GALNTL6: variants seen among roughly 807,000 people sequenced by gnomAD.
GALNTL6 encodes polypeptide N-acetylgalactosaminyltransferase-like 6.
GALNTL6 carries 46 observed loss-of-function variants against 73.7 expected under a neutral mutation model. That is an observed-to-expected ratio of 0.62 (90% CI 0.49 to 0.80). The LOEUF (loss-of-function observed/expected upper bound fraction) is 0.80. Ranked by LOEUF, GALNTL6 falls within the 30% of genes least tolerant of loss-of-function variation. The pLI is 0.00. For synonymous variants in GALNTL6, 259 were observed against 263.7 expected, an observed-to-expected ratio of 0.98 and a Z score of 0.17; for missense variants, 604 against 755.0, an observed-to-expected ratio of 0.80 and a Z score of 2.34.
chr4:172,333,901 A>G (rs1741219452), intron 4 of GALNTL6, among the ~76,000 whole-genome samples: 1 of 152,172 alleles, frequency 6.6e-6, no homozygotes, highest in Admixed American at 6.5e-5. Flanking sequence ...ATTCTTCTGC[A>G]TGTGGCTACC....
chr4:172,840,975 C>A (rs1181048181), intron 7 of GALNTL6, among the ~76,000 whole-genome samples: 1 of 152,168 alleles, frequency 6.6e-6, no homozygotes, highest in South Asian at 2.1e-4. Context: ...GGCCAGCAGT[C>A]CTTCAGGTGT....
chr4:172,105,503 T>C (rs1300992047), intron 2 of GALNTL6, among the ~76,000 whole-genome samples: 1 of 151,524 alleles, frequency 6.6e-6, no homozygotes, highest in Non-Finnish European at 1.5e-5. Context: ...AAACACTCTG[T>C]CCCAAAAAGG....
chr4:172,068,676 C>G (rs941600272), intron 2 of GALNTL6, among the ~76,000 whole-genome samples: 1 of 110,638 alleles, frequency 9.0e-6, no homozygotes, highest in Non-Finnish European at 2.0e-5. Context: ...CAATGTGAAT[C>G]TGCTTACTAA....
At chr4:172,162,091 C>T (rs1021296692) in intron 2 of GALNTL6, among the ~76,000 whole-genome samples, 1 of 151,852 alleles carries the variant, frequency 6.6e-6, no homozygotes, top group African/African-American at 2.4e-5. Flanking sequence ...AAAATACGAA[C>T]ATATTTGTAA....
At chr4:171,950,159 A>G (rs1022918420) in intron 2 of GALNTL6, among the ~76,000 whole-genome samples, 4 of 152,206 alleles carry the variant, frequency 2.6e-5, no homozygotes, top group Non-Finnish European at 5.9e-5. Context: ...TGTCTTTGTC[A>G]TAACTTAATA....
intron 2 of GALNTL6, among the ~76,000 whole-genome samples, chr4:171,849,755 G>C (rs748082014): frequency 1.2e-4 from 19 of 152,196 alleles, no homozygotes; most frequent in Non-Finnish European, 2.4e-4. Flanking sequence ...AGGTGGCCAT[G>C]CCGCAGGCTG....
At chr4:172,878,963 C>T (rs1745323103) in intron 7 of GALNTL6, among the ~76,000 whole-genome samples, 1 of 151,570 alleles carries the variant, frequency 6.6e-6, no homozygotes, top group African/African-American at 2.4e-5. Context: ...GCTGGAGTGA[C>T]TATAGTAATA....
chr4:172,474,096 C>T (rs1733146873), intron 5 of GALNTL6, among the ~76,000 whole-genome samples: 1 of 152,164 alleles, frequency 6.6e-6, no homozygotes, highest in Non-Finnish European at 1.5e-5. Context: ...CTCGTTGTTC[C>T]TTGGATGAGT....
At chr4:172,037,920 C>T (rs1290943166) in intron 2 of GALNTL6, among the ~76,000 whole-genome samples, 1 of 151,904 alleles carries the variant, frequency 6.6e-6, no homozygotes, top group Non-Finnish European at 1.5e-5. Flanking sequence ...GAGTTTGAGA[C>T]CAGCCTGGCC....
intron 3 of GALNTL6, among the ~76,000 whole-genome samples, chr4:172,231,304 A>G (rs1737064405): frequency 6.6e-6 from 1 of 152,204 alleles, no homozygotes; most frequent in Non-Finnish European, 1.5e-5. Context: ...ACAAGTTAAT[A>G]ATAAAATAGC....
Position 172,420,238 on chromosome 4 carries a change from C to T in GALNTL6, c.553+71549C>T, listed in dbSNP as rs965345422. On this transcript the variant is annotated intron_variant, in intron 5 of 12. Transcript: ENST00000506823. ...GAAAGTGACATGAATATCGTGATAA[C>T]GAGGGTCATTTCAGCTTACATTGTT... 3.6e-4 allele frequency among the ~76,000 whole-genome samples: 55 copies of T among 152,074 alleles called. 1 individual carries two copies. The highest frequency in any genetic ancestry group is 3.0e-3 in the Admixed American group (46 of 15,244).
chr4:172,330,188 G>C (rs1252689584), intron 4 of GALNTL6, among the ~76,000 whole-genome samples: 2 of 152,214 alleles, frequency 1.3e-5, no homozygotes, highest in Admixed American at 6.5e-5. Flanking sequence ...AACCGCTTTT[G>C]CTGAGAAGCC....
chr4:172,316,300 G>C (rs1184982408), intron 4 of GALNTL6, among the ~76,000 whole-genome samples: 1 of 152,132 alleles, frequency 6.6e-6, no homozygotes, highest in Non-Finnish European at 1.5e-5. Flanking sequence ...CGTTATAAAA[G>C]TATATGTGTT....
chr4:171,940,349 A>T (rs1738492502), intron 2 of GALNTL6, among the ~76,000 whole-genome samples: 2 of 150,836 alleles, frequency 1.3e-5, no homozygotes, highest in South Asian at 4.1e-4. Flanking sequence ...GGGGATGCAA[A>T]TAAGAATGTC....
chr4:172,377,964 G>A lies in GALNTL6; in HGVS notation c.553+29275G>A, dbSNP rs149249887. Among the ~76,000 whole-genome samples the A allele has an allele frequency of 7.2e-3, 1,089 of 151,476 alleles. 8 individuals carry two copies. The highest frequency in any genetic ancestry group is 8.0e-3 in the Non-Finnish European group (544 of 67,910). The stretch of plus-strand genomic sequence containing the variant: ...AGCAGAGGGAGCTGGCTCTGGCCTC[G>A]GCCAGCCCAGAGAGGGGCTTCCACA... On this transcript the variant is annotated intron_variant, in intron 5 of 12. Coordinates refer to ENST00000506823, the MANE Select transcript of GALNTL6 (RefSeq NM_001034845.3).
At chr4:172,992,301 A>C (rs576302862) in intron 10 of GALNTL6, among the ~76,000 whole-genome samples, 1 of 152,372 alleles carries the variant, frequency 6.6e-6, no homozygotes, top group East Asian at 1.9e-4. Flanking sequence ...GAAGACACCT[A>C]TCAAAAGTCA....
intron 5 of GALNTL6, among the ~76,000 whole-genome samples, chr4:172,555,100 A>G (rs1035507785): frequency 1.3e-5 from 2 of 152,116 alleles, no homozygotes; most frequent in African/African-American, 4.8e-5. Flanking sequence ...ATAGCTTTTA[A>G]TGTTGATTTT....
chr4:172,042,554 C>T (rs1742112516), intron 2 of GALNTL6, among the ~76,000 whole-genome samples: 1 of 151,826 alleles, frequency 6.6e-6, no homozygotes, highest in Admixed American at 6.6e-5. Flanking sequence ...TTCTGTGTTC[C>T]CTATTTTGGC....
At chr4:172,860,252 A>C (rs1744329670) in intron 7 of GALNTL6, among the ~76,000 whole-genome samples, 1 of 152,204 alleles carries the variant, frequency 6.6e-6, no homozygotes, top group South Asian at 2.1e-4. Context: ...TTCTGACTCA[A>C]ATACTTATGA....
Sources: gnomAD v4.1 joint callset for allele counts (sites outside exome capture counted in the v4.1 genomes callset) on GRCh38, gnomAD v4.1.1 for gene constraint, MANE v1.5 for transcripts, NCBI Gene and HGNC (gene_info 2026-07-23, HGNC 2026-07-21) for gene names.